Variants in RASGEF1B observed in about 807,000 individuals in gnomAD.
RASGEF1B encodes the protein ras-GEF domain-containing family member 1B.
RASGEF1B carries 30 observed loss-of-function variants against 65.7 expected under a neutral mutation model. The observed-to-expected ratio is 0.46, with a 90% CI of 0.34 to 0.62. The LOEUF is 0.62. Among genes scored for constraint, RASGEF1B ranks in the 20% least tolerant of loss-of-function variants. The probability of loss-of-function intolerance (pLI) is 0.01; values close to 1 mark genes in which losing one functional copy is unlikely to be tolerated. For missense variants in RASGEF1B, 495 were observed against 580.1 expected (o/e 0.85, Z 1.51); for synonymous variants, 175 against 194.8 (o/e 0.90, Z 0.85).
Position 81,449,705 on chromosome 4 carries a change from T to C in RASGEF1B, c.439-1421A>G, listed in dbSNP as rs116535270. Among the ~76,000 whole-genome samples the C allele has an allele frequency of 5.0e-3, 758 of 152,332 alleles. 1 individual carries two copies. Among genetic ancestry groups the C allele is most frequent in the Non-Finnish European group, 8.1e-3 (550 of 68,028 alleles). On this transcript the variant is annotated intron_variant, in intron 4 of 13. Coordinates refer to ENST00000264400, the MANE Select transcript of RASGEF1B (RefSeq NM_152545.3). ...CAATATCATTTGCTGAGATTAATTA[T>C]CTGAAAATTAAGTGGCATTTACCTA...
rs768167014 is a variant in RASGEF1B, at chr4:81,427,745, A to AG, written c.*22dup. 2.0e-5 allele frequency: 33 copies of AG among 1,613,308 alleles called. 1 individual carries two copies. Among genetic ancestry groups the AG allele is most frequent in the South Asian group, 9.9e-5 (9 of 91,044 alleles). On this transcript the variant is annotated 3_prime_UTR_variant, in exon 14 of 14. Transcript: ENST00000264400. ...ATGATCTGCAGGAAGCAGCAGCAGC[A>AG]GCAGGCAGGCAGCTCCCATGTGTTA...
chr4:81,435,237 C>T (rs1477355395), intron 10 of RASGEF1B, among the ~76,000 whole-genome samples: 1 of 151,484 alleles, frequency 6.6e-6, no homozygotes, highest in East Asian at 2.0e-4. Flanking sequence ...AGGTGAAACC[C>T]CGTCTCTACT....
At chr4:81,471,476 C>T (rs1415455691) in intron 1 of RASGEF1B, among the ~76,000 whole-genome samples, 1 of 152,216 alleles carries the variant, frequency 6.6e-6, no homozygotes, top group Non-Finnish European at 1.5e-5. Flanking sequence ...GCGGCTCGGC[C>T]TCGCACCTGT....
chr4:81,458,443 CACAGAGAGATAACTCAGTAAGAA>C (rs1328540879), intron 2 of RASGEF1B, among the ~76,000 whole-genome samples: 1 of 152,186 alleles, frequency 6.6e-6, no homozygotes, highest in African/African-American at 2.4e-5. Flanking sequence ...TGTAACAATA[CACAGAGAGATAACTCAGTAAGAA>C]ACACTATGGT....
chr4:81,441,315 T>C (rs979849536), intron 9 of RASGEF1B, among the ~76,000 whole-genome samples: 2 of 152,082 alleles, frequency 1.3e-5, no homozygotes, highest in African/African-American at 4.8e-5. Flanking sequence ...TAGTGACAAA[T>C]CATGCACAAA....
Position 81,459,368 on chromosome 4 carries a change from G to T in RASGEF1B, c.141C>A (p.Ile47=). Reference sequence around the variant, plus strand: ...AATCCACATTAGGTACTAAGTGCTGGATGAGTGCTTCCAGGGATCCAGAGA... The same window carrying T: ...AATCCACATTAGGTACTAAGTGCTGTATGAGTGCTTCCAGGGATCCAGAGA... The part of the protein sequence containing the change: ...NLLSGSLEAL[I]QHLVPNVDYY... The change falls in exon 2 of 14, where the codon ATC becomes ATA. Residue 47 remains isoleucine, a synonymous_variant. Transcript: ENST00000264400. The T allele has an allele frequency of 6.2e-7, 1 of 1,611,820 alleles. No homozygotes were observed. The highest frequency in any genetic ancestry group is 8.5e-7 in the Non-Finnish European group (1 of 1,179,296).
intron 4 of RASGEF1B, 81 bp downstream of exon 4, chr4:81,456,570 T>C: frequency 1.4e-6 from 2 of 1,459,332 alleles, no homozygotes; most frequent in Non-Finnish European, 1.9e-6. Flanking sequence ...CAGTGGAGAT[T>C]AGGATGCATA....
At chr4:81,462,179 C>CT (rs1429774437) in intron 1 of RASGEF1B, among the ~76,000 whole-genome samples, 1 of 152,156 alleles carries the variant, frequency 6.6e-6, no homozygotes, top group African/African-American at 2.4e-5. Context: ...TTGCTTATCC[C>CT]TTCCAAAATA....
intron 1 of RASGEF1B, among the ~76,000 whole-genome samples, chr4:81,470,410 C>T (rs1008871918): frequency 3.9e-5 from 6 of 152,202 alleles, no homozygotes; most frequent in Non-Finnish European, 7.3e-5. Context: ...CAAGCTCTAG[C>T]TACTGTTTTC....
chr4:81,432,974 T>G (rs946946307), intron 12 of RASGEF1B, among the ~76,000 whole-genome samples: 4 of 151,280 alleles, frequency 2.6e-5, no homozygotes, highest in Admixed American at 6.6e-5. Context: ...CTCAGCAGTT[T>G]GAGAGGCTGT....
In RASGEF1B at chr4:81,439,089, T is replaced by G. The variant is rs1449322404; in HGVS notation, c.1104+1745A>C. 2.0e-5 allele frequency among the ~76,000 whole-genome samples: 3 copies of G among 152,152 alleles called. No individual in the cohort carries two copies. In the East Asian group the frequency reaches 5.8e-4, roughly 29 times the overall value. ...TACAGCAGAATGATTTATATTCCTT[T>G]GAGTATATACCCAGGAATGGGATTG... On this transcript the variant is annotated intron_variant, in intron 10 of 13. Coordinates refer to ENST00000264400, the MANE Select transcript of RASGEF1B (RefSeq NM_152545.3).
intron 1 of RASGEF1B, among the ~76,000 whole-genome samples, chr4:81,462,322 A>G (rs1467896914): frequency 1.3e-5 from 2 of 152,332 alleles, no homozygotes; most frequent in East Asian, 3.9e-4. Context: ...GGTGCAAAAT[A>G]TCAATACTTA....
In RASGEF1B at chr4:81,457,555, TG is replaced by T; in HGVS notation, c.243del (p.Val83PhefsTer11). The T allele has an allele frequency of 6.2e-7, 1 of 1,614,158 alleles. No homozygotes were observed. Among genetic ancestry groups the T allele is most frequent in the Non-Finnish European group, 8.5e-7 (1 of 1,180,024 alleles). On this transcript the variant is annotated frameshift_variant, in exon 3 of 14. Transcript: ENST00000264400. LOFTEE classifies it high-confidence loss of function. ...TGCTCAACACATAAGTGGCAAACTT[TG>T]GCCATTAGCTCATACGGATGCATAA... ...RLFMHPYELM[A>X]KVCHLCVEHQ...
intron 4 of RASGEF1B, 146 bp downstream of exon 4, chr4:81,456,505 A>G: frequency 1.2e-6 from 1 of 819,886 alleles, no homozygotes; most frequent in Non-Finnish European, 2.1e-6. Flanking sequence ...TTGACATACT[A>G]AATAGACCAA....
intron 8 of RASGEF1B, among the ~76,000 whole-genome samples, chr4:81,444,561 G>A (rs61062705): frequency 0.015 from 2,340 of 151,676 alleles, 42 homozygotes; most frequent in Admixed American, 0.054. Context: ...TTTTTTAGAC[G>A]GAGTCTCCCT....
In RASGEF1B at chr4:81,459,579, C is replaced by G. The variant is rs2218462; in HGVS notation, c.-6-65G>C. 4.5e-5 allele frequency: 53 copies of G among 1,180,446 alleles called. 3 individuals are homozygous for G. In the South Asian group the frequency reaches 8.4e-4, roughly 19 times the overall value. 73.1% of individuals were successfully genotyped at this position (1,180,446 alleles called of 1,614,324 possible). A position where few individuals can be genotyped will look rare whatever the true frequency, so the allele number is the denominator to read the frequency against. On this transcript the variant is annotated intron_variant, in intron 1 of 13. Transcript: ENST00000264400. ...TATGCAGTATGAAAATAAAGGTAAGCTTTAATAGGCACTAAGATTTAATAG... is the reference window on the plus strand; with the variant it reads ...TATGCAGTATGAAAATAAAGGTAAGGTTTAATAGGCACTAAGATTTAATAG...
Position 81,445,812 on chromosome 4 carries a change from T to G in RASGEF1B, c.756A>C (p.Thr252=). 2 of 1,614,092 alleles carry G rather than the reference T, an allele frequency of 1.2e-6. No homozygotes were observed. Among genetic ancestry groups the G allele is most frequent in the East Asian group, 2.2e-5 (1 of 44,870 alleles). The change falls in exon 7 of 14, where the codon ACA becomes ACC. Residue 252 remains threonine (T), a synonymous_variant. Coordinates refer to ENST00000264400, the MANE Select transcript of RASGEF1B (RefSeq NM_152545.3). ...DKSCYSERKK[T]RNLEAYVEWF... ...ATTCCACGTAAGCTTCTAAGTTTCG[T>G]GTTTTCTTCCGTTCACTGTAGCAAC...
chr4:81,433,758 T>A (rs1282865192), intron 12 of RASGEF1B, 82 bp downstream of exon 12: 1 of 1,450,426 alleles, frequency 6.9e-7, no homozygotes, highest in Admixed American at 1.8e-5. Flanking sequence ...CATTACTATA[T>A]GAGTAACCAA....
chr4:81,466,812 A>AAGAAAGAAAGAAAGAAAG (rs1578644574), intron 1 of RASGEF1B, among the ~76,000 whole-genome samples: 2 of 150,314 alleles, frequency 1.3e-5, no homozygotes, highest in East Asian at 1.9e-4. Context: ...GAAAGAAAGA[A>AAGAAAGAAAGAAAGAAAG]AGAAAGAAAG....
Sources: gnomAD v4.1 joint callset for allele counts (sites outside exome capture counted in the v4.1 genomes callset) on GRCh38, gnomAD v4.1.1 for gene constraint, MANE v1.5 for transcripts, NCBI Gene and HGNC (gene_info 2026-07-23, HGNC 2026-07-21) for gene names.